GPBP1: variants seen among roughly 807,000 people sequenced by gnomAD.
GPBP1 encodes the protein GC-rich promoter binding protein 1.
Under a neutral mutation model 56.5 loss-of-function variants are expected in GPBP1, and 13 were observed. The observed-to-expected ratio is 0.23, with a 90% CI of 0.15 to 0.37. GPBP1 has a LOEUF of 0.37. Among genes scored for constraint, GPBP1 ranks in the 10% least tolerant of loss-of-function variants. The probability of loss-of-function intolerance (pLI) is 1.00; values close to 1 mark genes in which losing one functional copy is unlikely to be tolerated. For synonymous variants in GPBP1, 204 were observed against 188.9 expected (o/e 1.08, Z -0.66); for missense variants, 477 against 572.3 (o/e 0.83, Z 1.70).
At chr5:57,177,869 A>G (rs1401321717) in intron 2 of GPBP1, among the ~76,000 whole-genome samples, 2 of 151,018 alleles carry the variant, frequency 1.3e-5, no homozygotes, top group African/African-American at 4.9e-5. Context: ...CTTATTTTGA[A>G]CCAATTTTTT....
rs1401115670 is a variant in GPBP1 at position 57,249,542 on chromosome 5, A to T, written c.938A>T (p.Glu313Val). Residue 313 changes from glutamate to valine, a missense_variant, in exon 9 of 12, where the codon GAA becomes GTA. Coordinates refer to ENST00000506184, the MANE Select transcript of GPBP1 (RefSeq NM_022913.4). ...KALKRDRVEEEHEDESRAGSE... is the reference protein window; with the variant it reads ...KALKRDRVEEVHEDESRAGSE... ...TTGAAAAGAGACAGAGTAGAAGAGGAACATGAAGATGAAAGCCGTGCTGGC... is the reference window on the plus strand; with the variant it reads ...TTGAAAAGAGACAGAGTAGAAGAGGTACATGAAGATGAAAGCCGTGCTGGC... The T allele has an allele frequency of 1.2e-6, 2 of 1,611,484 alleles. No individual in the cohort carries two copies. Among genetic ancestry groups the T allele is most frequent in the Non-Finnish European group, 1.7e-6 (2 of 1,179,240 alleles).
chr5:57,229,907 T>C (rs1023618932), intron 3 of GPBP1, among the ~76,000 whole-genome samples: 2 of 143,800 alleles, frequency 1.4e-5, no homozygotes, highest in Non-Finnish European at 3.0e-5. Context: ...TTGTTAAAAT[T>C]TTCCCTTCCC....
At chr5:57,211,570 G>A (rs911931041) in intron 2 of GPBP1, among the ~76,000 whole-genome samples, 2 of 96,234 alleles carry the variant, frequency 2.1e-5, no homozygotes, top group African/African-American at 3.9e-5. Flanking sequence ...GTTTGCCTCC[G>A]GGGATTTTGT....
rs141203193 is a variant in GPBP1 at position 57,256,610 on chromosome 5, T to C, written c.1161-4570T>C. Among the ~76,000 whole-genome samples the C allele has an allele frequency of 7.0e-4, 106 of 152,260 alleles. 2 individuals carry two copies. In the East Asian group the frequency reaches 0.017, roughly 24 times the overall value. On this transcript the variant is annotated intron_variant, in intron 10 of 11. Transcript: ENST00000506184. ...GGGGGCAAACAATAAGAACATTTTG[T>C]TATTTGCCAAGAATAGAATAAAATT...
Position 57,223,227 on chromosome 5 carries a change from A to G in GPBP1, c.64-7619A>G, listed in dbSNP as rs577682807. On this transcript the variant is annotated intron_variant, in intron 3 of 11. Coordinates refer to ENST00000506184, the MANE Select transcript of GPBP1 (RefSeq NM_022913.4). The stretch of plus-strand genomic sequence containing the variant: ...GGCCTCGGCTTCCTGAGTAGCCGGG[A>G]CTACACGCGTGTGCCACCACGCCCA... Among the ~76,000 whole-genome samples the G allele has an allele frequency of 1.1e-4, 16 of 151,830 alleles. No individual in the cohort carries two copies. The South Asian group carries it at 3.3e-3, about 32-fold the overall frequency.
chr5:57,206,165 A>G (rs1347911252), intron 2 of GPBP1, among the ~76,000 whole-genome samples: 1 of 151,884 alleles, frequency 6.6e-6, no homozygotes, highest in Non-Finnish European at 1.5e-5. Flanking sequence ...AGGTGCATAT[A>G]TTTTCTTCTG....
At chr5:57,205,162 T>TA (rs1755177672) in intron 2 of GPBP1, among the ~76,000 whole-genome samples, 2 of 152,200 alleles carry the variant, frequency 1.3e-5, no homozygotes, top group Non-Finnish European at 2.9e-5. Context: ...TCTCTATGAA[T>TA]TTACCTCTTA....
intron 6 of GPBP1, chr5:57,237,356 A>C: frequency 1.7e-6 from 1 of 585,262 alleles, no homozygotes; most frequent in Non-Finnish European, 3.0e-6. Flanking sequence ...TATAGATACT[A>C]TTGGTACTGA....
At chr5:57,219,249 G>T (rs1044698083) in intron 3 of GPBP1, among the ~76,000 whole-genome samples, 8 of 151,358 alleles carry the variant, frequency 5.3e-5, no homozygotes, top group Non-Finnish European at 1.0e-4. Flanking sequence ...GGTGGCACAT[G>T]CCTGTGGTCC....
chr5:57,250,950 T>G lies in GPBP1; in HGVS notation c.973-4T>G. On this transcript the variant is annotated splice_region_variant and splice_polypyrimidine_tract_variant and intron_variant, in intron 9 of 11. Transcript: ENST00000506184. Reference sequence around the variant, plus strand: ...TTTTTTTTTTTTAACTCTCTAAAAATCAGGATGACGACTCATTTAATTTAC... The same window carrying G: ...TTTTTTTTTTTTAACTCTCTAAAAAGCAGGATGACGACTCATTTAATTTAC... 6.7e-7 allele frequency: 1 copy of G among 1,495,616 alleles called. No individual in the cohort carries two copies. The highest frequency in any genetic ancestry group is 9.1e-7 in the Non-Finnish European group (1 of 1,102,900). The allele number at this position is 1,495,616 out of a possible 1,614,324, so 92.6% of individuals were successfully genotyped here.
intron 6 of GPBP1, among the ~76,000 whole-genome samples, chr5:57,240,255 G>T (rs80191076): frequency 0.01 from 1,551 of 152,040 alleles, 73 homozygotes; most frequent in Admixed American, 0.072. Context: ...TTTCTCCAAA[G>T]AAAGAAATGA....
chr5:57,196,434 A>G (rs773910989), intron 2 of GPBP1, among the ~76,000 whole-genome samples: 4 of 152,142 alleles, frequency 2.6e-5, no homozygotes, highest in Non-Finnish European at 5.9e-5. Context: ...ACATTTGGTA[A>G]TTTCAGGATA....
At chr5:57,254,305 T>A (rs1741539361) in intron 10 of GPBP1, among the ~76,000 whole-genome samples, 1 of 152,150 alleles carries the variant, frequency 6.6e-6, no homozygotes, top group African/African-American at 2.4e-5. Context: ...ATATTATTAC[T>A]TTATCTTCGT....
At chr5:57,215,947 A>G (rs1755681329) in intron 3 of GPBP1, among the ~76,000 whole-genome samples, 1 of 151,548 alleles carries the variant, frequency 6.6e-6, no homozygotes, top group African/African-American at 2.4e-5. Context: ...GAATAAAGTT[A>G]TTTCCTTTGA....
intron 10 of GPBP1, among the ~76,000 whole-genome samples, chr5:57,257,685 C>T (rs531442561): frequency 4.9e-4 from 75 of 152,174 alleles, no homozygotes; most frequent in African/African-American, 1.8e-3. Context: ...GAACTCCTAG[C>T]CTCAAGTAAT....
chr5:57,192,753 CAAAAA>C (rs70999061), intron 2 of GPBP1, among the ~76,000 whole-genome samples: 1 of 103,252 alleles, frequency 9.7e-6, no homozygotes, highest in Non-Finnish European at 1.8e-5. Context: ...AACTCCGTCT[CAAAAA>C]AAAAAAAAAA....
At chr5:57,231,063 T>G (rs1756436156) in intron 4 of GPBP1, 35 bp from the exon 5 acceptor site, 3 of 1,589,636 alleles carry the variant, frequency 1.9e-6, no homozygotes, top group Non-Finnish European at 2.6e-6. Context: ...CTTCTCTTCT[T>G]TGAATTTATA....
At chr5:57,253,585 T>G (rs1741490792) in intron 10 of GPBP1, among the ~76,000 whole-genome samples, 1 of 152,232 alleles carries the variant, frequency 6.6e-6, no homozygotes, top group African/African-American at 2.4e-5. Context: ...CCTAGAATGG[T>G]GCTTGGCACA....
chr5:57,190,173 G>T (rs994604051), intron 2 of GPBP1, among the ~76,000 whole-genome samples: 5 of 67,090 alleles, frequency 7.5e-5, no homozygotes, highest in Non-Finnish European at 2.2e-4. Context: ...TTTTTTTTAG[G>T]GGGGGGATTG....
Sources: gnomAD v4.1 joint callset for allele counts (sites outside exome capture counted in the v4.1 genomes callset) on GRCh38, gnomAD v4.1.1 for gene constraint, MANE v1.5 for transcripts, NCBI Gene and HGNC (gene_info 2026-07-23, HGNC 2026-07-21) for gene names.